The following PTPRB variants were observed in gnomAD, a reference collection of about 807,000 sequenced individuals.
The protein encoded by PTPRB is protein tyrosine phosphatase receptor type B.
In PTPRB, 97 loss-of-function variants were observed where a neutral mutation model predicts 238.1. That is an observed-to-expected ratio of 0.41 (90% confidence interval 0.35 to 0.48). PTPRB has a LOEUF of 0.48. PTPRB is among the 20% of genes least tolerant of loss of function. The pLI, the probability that PTPRB is intolerant of heterozygous loss-of-function variation, is 0.30. For synonymous variants in PTPRB, 970 were observed against 995.4 expected (o/e 0.97, Z 0.48); for missense variants, 2,292 against 2,681.9 (o/e 0.85, Z 3.21).
At chr12:70,567,089 TACTAACATTA>T (rs1237846085) in intron 14 of PTPRB, among the ~76,000 whole-genome samples, 2 of 152,232 alleles carry the variant, frequency 1.3e-5, no homozygotes, top group Non-Finnish European at 2.9e-5. Flanking sequence ...AGACTTTTAT[TACTAACATTA>T]ACTAAGGTCA....
At chr12:70,567,418 C>T (rs1879444867) in intron 14 of PTPRB, among the ~76,000 whole-genome samples, 1 of 152,260 alleles carries the variant, frequency 6.6e-6, no homozygotes, top group African/African-American at 2.4e-5. Flanking sequence ...CTCCTCATCT[C>T]CCTCCCCCAA....
At chr12:70,593,673 A>C (rs1468573869) in intron 6 of PTPRB, among the ~76,000 whole-genome samples, 1 of 152,184 alleles carries the variant, frequency 6.6e-6, no homozygotes, top group Non-Finnish European at 1.5e-5. Context: ...GGTGTGTTAT[A>C]AAAGGTATGT....
chr12:70,559,820 C>CTT (rs373129340), intron 17 of PTPRB, among the ~76,000 whole-genome samples, 196 bp from the exon 18 acceptor site: 2 of 123,336 alleles, frequency 1.6e-5, no homozygotes, highest in Non-Finnish European at 3.4e-5. Flanking sequence ...ATTTTATGTA[C>CTT]TTTTTTTTTT....
At position 70,552,847 on chromosome 12, in the gene PTPRB, G is replaced by A. The variant is rs746575415; in HGVS notation, c.5317C>T (p.Leu1773=). The A allele has an allele frequency of 6.8e-6, 11 of 1,613,790 alleles. No individual in the cohort carries two copies. In the African/African-American group the frequency reaches 1.5e-4, roughly 22 times the overall value. Residue 1773 remains leucine, a synonymous_variant, in exon 21 of 34, where the codon CTA becomes TTA. Transcript: ENST00000334414. The part of the protein sequence containing the change: ...NIKLGAEMES[L]GGKCDPTQQK... ...TGAGTGGGATCGCATTTTCCACCTA[G>A]GCTCTCCATCTCTGCTCCAAGCTTA...
At chr12:70,617,425 A>G (rs1457441452) in intron 3 of PTPRB, among the ~76,000 whole-genome samples, 1 of 152,210 alleles carries the variant, frequency 6.6e-6, no homozygotes, top group East Asian at 1.9e-4. Context: ...CTGTTTATAT[A>G]GTATCCATTC....
chr12:70,525,018 A>G (rs1046906967), intron 32 of PTPRB, among the ~76,000 whole-genome samples: 1 of 151,668 alleles, frequency 6.6e-6, no homozygotes, highest in Non-Finnish European at 1.5e-5. Flanking sequence ...ATTCTGTGAG[A>G]GCCTACAACT....
rs1385157390 is a variant in PTPRB, at chr12:70,532,130, G to T, written c.6409C>A (p.Arg2137=). The change falls in exon 32 of 34, where the codon CGA becomes AGA. Residue 2137 remains arginine, a synonymous_variant. Transcript: ENST00000334414. ...TTGGAGTCTAACTGCTGGAGGATTC[G>T]GTCCAATGCAATAAAGGTTCCAGTC... is the stretch of plus-strand genomic sequence containing the variant. ...GRTGTFIALD[R]ILQQLDSKDS... 2 of 1,613,526 alleles carry T rather than the reference G, an allele frequency of 1.2e-6. No homozygotes were observed. The highest frequency in any genetic ancestry group is 2.2e-5 in the South Asian group (2 of 91,036).
chr12:70,523,138 A>G (rs957343694), intron 33 of PTPRB, among the ~76,000 whole-genome samples: 2 of 151,952 alleles, frequency 1.3e-5, no homozygotes, highest in African/African-American at 4.8e-5. Flanking sequence ...CTGGGATTAC[A>G]GTCTTGAGCC....
intron 32 of PTPRB, among the ~76,000 whole-genome samples, chr12:70,530,271 C>G (rs971568251): frequency 5.3e-5 from 8 of 152,020 alleles, no homozygotes; most frequent in African/African-American, 1.7e-4. Flanking sequence ...TTAAGAAAGA[C>G]ATAGATGTGA....
At position 70,555,302 on chromosome 12, in the gene PTPRB, AG is replaced by A. The variant is rs1476690081; in HGVS notation, c.5000del (p.Pro1667LeufsTer9). 2 of 1,610,924 alleles carry A rather than the reference AG, an allele frequency of 1.2e-6. No homozygotes were observed. The highest frequency in any genetic ancestry group is 1.3e-5 in the African/African-American group (1 of 74,876). ...DSTITMIDRP[P>X]PPPPHIRVNE... ...TCACACGAATGTGTGGGGGTGGAGG[AG>A]GGGGGCCTGGAAAAAGAGGTGGGGA... On this transcript the variant is annotated frameshift_variant, in exon 20 of 34. Coordinates refer to ENST00000334414, the MANE Select transcript of PTPRB (RefSeq NM_001109754.4). LOFTEE classifies it high-confidence loss of function.
intron 2 of PTPRB, among the ~76,000 whole-genome samples, chr12:70,634,640 C>G (rs1316974315): frequency 6.6e-6 from 1 of 152,136 alleles, no homozygotes; most frequent in Non-Finnish European, 1.5e-5. Context: ...GATTCTTAGG[C>G]AAGCCATGGG....
intron 2 of PTPRB, among the ~76,000 whole-genome samples, chr12:70,629,711 A>G (rs1249270823): frequency 6.6e-6 from 1 of 152,168 alleles, no homozygotes; most frequent in African/African-American, 2.4e-5. Flanking sequence ...AAGACTAATA[A>G]AGAAGAAAAC....
intron 15 of PTPRB, among the ~76,000 whole-genome samples, chr12:70,565,953 G>T (rs1361941875): frequency 6.6e-6 from 1 of 152,112 alleles, no homozygotes. Context: ...GAGATGTAAG[G>T]TCCCATGCAG....
intron 18 of PTPRB, among the ~76,000 whole-genome samples, chr12:70,557,057 A>C (rs907115645): frequency 6.6e-6 from 1 of 152,224 alleles, no homozygotes; most frequent in African/African-American, 2.4e-5. Context: ...GGTGTGACAC[A>C]CAACTTTTAG....
intron 32 of PTPRB, among the ~76,000 whole-genome samples, chr12:70,527,968 C>G (rs1872654149): frequency 6.6e-6 from 1 of 152,062 alleles, no homozygotes; most frequent in African/African-American, 2.4e-5. Flanking sequence ...TAGGTTGATG[C>G]AAAAGTAATC....
chr12:70,614,365 C>A (rs908894831), intron 3 of PTPRB, among the ~76,000 whole-genome samples: 1 of 151,748 alleles, frequency 6.6e-6, no homozygotes, highest in Non-Finnish European at 1.5e-5. Context: ...TTACTGAGCT[C>A]TTTGCTTATA....
At chr12:70,556,913 G>A (rs542109162) in intron 18 of PTPRB, among the ~76,000 whole-genome samples, 1 of 152,302 alleles carries the variant, frequency 6.6e-6, no homozygotes, top group Non-Finnish European at 1.5e-5. Context: ...GTGCTCTTCT[G>A]GGGATTATGA....
chr12:70,589,828 A>T, intron 8 of PTPRB, 136 bp downstream of exon 8: 2 of 785,500 alleles, frequency 2.5e-6, no homozygotes, highest in Non-Finnish European at 4.0e-6. Flanking sequence ...ACCCCATGTT[A>T]GCCTTAAAGT....
chr12:70,552,038 C>G (rs760258191), intron 21 of PTPRB, among the ~76,000 whole-genome samples: 5 of 152,078 alleles, frequency 3.3e-5, no homozygotes, highest in Admixed American at 6.5e-5. Context: ...TCTTTAGATG[C>G]CTTAGAAGGT....
Sources: allele counts gnomAD v4.1 joint callset (sites outside exome capture counted in the v4.1 genomes callset), GRCh38; gene constraint gnomAD v4.1.1; transcripts MANE v1.5; gene names NCBI Gene and HGNC (gene_info 2026-07-23, HGNC 2026-07-21).